PLCZ1: variants seen among roughly 807,000 people sequenced by gnomAD.
The protein encoded by PLCZ1 is 1-phosphatidylinositol 4,5-bisphosphate phosphodiesterase zeta-1.
PLCZ1 carries 64 observed loss-of-function variants against 76.8 expected under a neutral mutation model. The observed-to-expected ratio is 0.83, with a 90% CI of 0.68 to 1.03. The LOEUF is 1.03. Ranked by LOEUF, PLCZ1 falls within the 50% of genes least tolerant of loss-of-function variation. PLCZ1 has a pLI of 0.00. For synonymous variants in PLCZ1, 248 were observed against 230.8 expected (o/e 1.07, Z -0.68); for missense variants, 751 against 713.7 (o/e 1.05, Z -0.60).
chr12:18,698,616 A>G (rs1955453806), intron 10 of PLCZ1, among the ~76,000 whole-genome samples: 1 of 152,128 alleles, frequency 6.6e-6, no homozygotes, highest in Non-Finnish European at 1.5e-5. Context: ...TTTCTACACA[A>G]GATGGTAGAT....
the PLCZ1 span, among the ~76,000 whole-genome samples, chr12:18,676,435 T>A: frequency 6.6e-6 from 1 of 152,140 alleles, no homozygotes; most frequent in Non-Finnish European, 1.5e-5. Flanking sequence ...ATTGACCCCT[T>A]GCTTCTTCAG....
chr12:18,705,429 G>T, intron 6 of PLCZ1, 114 bp from the exon 7 acceptor site: 1 of 1,290,950 alleles, frequency 7.7e-7, no homozygotes, highest in Non-Finnish European at 1.1e-6. Context: ...TAGTACCTTT[G>T]CAAAATAACT....
chr12:18,686,963 A>T (rs1376357273), intron 13 of PLCZ1, among the ~76,000 whole-genome samples: 1 of 152,046 alleles, frequency 6.6e-6, no homozygotes, highest in African/African-American at 2.4e-5. Context: ...GAATAAATTA[A>T]GTTTCTAAGC....
chr12:18,668,391 T>A, the PLCZ1 span, among the ~76,000 whole-genome samples: 1 of 152,138 alleles, frequency 6.6e-6, no homozygotes, highest in Non-Finnish European at 1.5e-5. Context: ...AAGGGAAAAT[T>A]TGTAAAAGGA....
chr12:18,680,622 T>C (rs1952323987), downstream of PLCZ1, among the ~76,000 whole-genome samples: 1 of 151,994 alleles, frequency 6.6e-6, no homozygotes, highest in Admixed American at 6.6e-5. Context: ...ATAATTAAAC[T>C]TTTCTGTAAC....
chr12:18,649,327 C>T, the PLCZ1 span, among the ~76,000 whole-genome samples: 1 of 152,082 alleles, frequency 6.6e-6, no homozygotes, highest in Non-Finnish European at 1.5e-5. Context: ...CAGAGAAGAA[C>T]TACCCATGCT....
chr12:18,736,319 C>A lies in PLCZ1; in HGVS notation c.37G>T (p.Asp13Tyr). ...MRWFLSKIQDDFRGGKINLEK... is the reference protein window; with the variant it reads ...MRWFLSKIQDYFRGGKINLEK... The stretch of plus-strand genomic sequence containing the variant: ...AGGTTAATTTTTCCACCTCTGAAGT[C>A]ATCCTGAATCTTTGACAAAAACCAT... The change falls in exon 3 of 15, where the codon GAC becomes TAC. Residue 13 changes from aspartate (D) to tyrosine (Y), a missense_variant. Transcript: ENST00000266505. 1.2e-6 allele frequency: 2 copies of A among 1,612,380 alleles called. No individual in the cohort carries two copies. Among genetic ancestry groups the A allele is most frequent in the South Asian group, 2.2e-5 (2 of 90,988 alleles).
chr12:18,658,671 A>C, the PLCZ1 span, among the ~76,000 whole-genome samples: 1 of 152,192 alleles, frequency 6.6e-6, no homozygotes, highest in East Asian at 1.9e-4. Context: ...ACATATATAC[A>C]TAACCGACCT....
chr12:18,687,500 G>C (rs1056068121), intron 13 of PLCZ1, among the ~76,000 whole-genome samples: 7 of 152,006 alleles, frequency 4.6e-5, no homozygotes, highest in Admixed American at 2.0e-4. Context: ...GAGAAGAAAT[G>C]GCAATGCCAG....
chr12:18,736,086 T>C, intron 3 of PLCZ1, 135 bp downstream of exon 3: 1 of 976,852 alleles, frequency 1.0e-6, no homozygotes, highest in Non-Finnish European at 1.5e-6. Flanking sequence ...TGAAATGCTC[T>C]CCATCTTGAT....
At chr12:18,707,544 T>A (rs1477843719) in intron 6 of PLCZ1, among the ~76,000 whole-genome samples, 7 of 152,170 alleles carry the variant, frequency 4.6e-5, no homozygotes, top group Non-Finnish European at 1.0e-4. Context: ...CCCCATTTCC[T>A]TACCAAAGGC....
intron 3 of PLCZ1, among the ~76,000 whole-genome samples, chr12:18,725,959 C>T (rs755094982): frequency 1.3e-5 from 2 of 151,990 alleles, no homozygotes; most frequent in Non-Finnish European, 2.9e-5. Flanking sequence ...TCTTACAGGC[C>T]TTATTAGATT....
the PLCZ1 span, among the ~76,000 whole-genome samples, chr12:18,653,211 G>A: frequency 6.6e-6 from 1 of 152,144 alleles, no homozygotes; most frequent in Non-Finnish European, 1.5e-5. Flanking sequence ...TTTGGGTCAG[G>A]AGTTGATTCC....
At chr12:18,694,005 G>A (rs778847826) in intron 12 of PLCZ1, 95 of 1,484,254 alleles carry the variant, frequency 6.4e-5, no homozygotes, top group Non-Finnish European at 8.4e-5. Context: ...TTAAGAGAAC[G>A]TAGAATGAAA....
intron 4 of PLCZ1, among the ~76,000 whole-genome samples, chr12:18,720,417 T>C (rs1021423691): frequency 2.6e-5 from 4 of 151,340 alleles, no homozygotes; most frequent in African/African-American, 9.7e-5. Flanking sequence ...TCTGATCATC[T>C]TTAGTAATTA....
intron 4 of PLCZ1, among the ~76,000 whole-genome samples, chr12:18,722,323 A>C (rs999145417): frequency 1.3e-5 from 2 of 152,080 alleles, no homozygotes; most frequent in African/African-American, 2.4e-5. Context: ...TTCAAGACCT[A>C]ATTGCCTTAT....
At chr12:18,700,510 T>TCCAA (rs1955733926) in intron 9 of PLCZ1, among the ~76,000 whole-genome samples, 1 of 2,808 alleles carries the variant, frequency 3.6e-4, no homozygotes, top group African/African-American at 7.3e-4. Context: ...AGAGCCAACG[T>TCCAA]ACAAAAAAAA....
intron 5 of PLCZ1, chr12:18,713,706 T>A (rs73346931): frequency 6.6e-6 from 1 of 152,114 alleles, no homozygotes; most frequent in Non-Finnish European, 1.5e-5. Context: ...CGACTCATAA[T>A]TTCACTAGGA....
intron 6 of PLCZ1, 29 bp from the exon 7 acceptor site, chr12:18,705,344 T>A: frequency 4.3e-6 from 7 of 1,612,706 alleles, no homozygotes; most frequent in Non-Finnish European, 5.9e-6. Context: ...CTATGGTTAT[T>A]CATCAAAACT....
Sources: gnomAD v4.1 joint callset for allele counts (sites outside exome capture counted in the v4.1 genomes callset) on GRCh38, gnomAD v4.1.1 for gene constraint, MANE v1.5 for transcripts, NCBI Gene and HGNC (gene_info 2026-07-23, HGNC 2026-07-21) for gene names.